ZCWPW2: variants seen among roughly 807,000 people sequenced by gnomAD.
ZCWPW2 encodes zinc finger CW-type PWWP domain protein 2.
ZCWPW2 carries 45 observed loss-of-function variants against 46.6 expected under a neutral mutation model. The observed-to-expected ratio is 0.96, with a 90% CI of 0.76 to 1.24. The LOEUF is 1.24. ZCWPW2 is among the 50% of genes most tolerant of loss of function. ZCWPW2 has a pLI of 0.00. For synonymous variants in ZCWPW2, 152 were observed against 137.1 expected (o/e 1.11, Z -0.76); for missense variants, 429 against 403.9 (o/e 1.06, Z -0.53).
chr3:28,449,840 C>A (rs1187436521), intron 4 of ZCWPW2, among the ~76,000 whole-genome samples: 2 of 152,032 alleles, frequency 1.3e-5, no homozygotes, highest in East Asian at 3.9e-4. Context: ...AATGATTTTT[C>A]TTTTATATTT....
In ZCWPW2 at chr3:28,381,066, A is replaced by AG. The variant is rs1695087157; in HGVS notation, c.-133-9432_-133-9431insG. Among the ~76,000 whole-genome samples the AG allele has an allele frequency of 1.6e-5, 2 of 125,000 alleles. 1 individual carries two copies. The highest frequency in any genetic ancestry group is 3.3e-5 in the Non-Finnish European group (2 of 60,586). The allele number at this position is 125,000 out of a possible 152,430, so 82.0% of individuals were successfully genotyped here. On this transcript the variant is annotated intron_variant, in intron 1 of 9. Coordinates refer to ENST00000383768, the MANE Select transcript of ZCWPW2 (RefSeq NM_001040432.4). ...ATATTTGGTGTATATATATATATAT[A>AG]TATATATATATATACAGAAAAGTAA...
At chr3:28,444,847 C>G (rs1015879946) in intron 4 of ZCWPW2, among the ~76,000 whole-genome samples, 1 of 152,118 alleles carries the variant, frequency 6.6e-6, no homozygotes, top group African/African-American at 2.4e-5. Flanking sequence ...CAGATATGGT[C>G]AAACGTATTA....
chr3:28,385,292 CA>C (rs1428129134), intron 1 of ZCWPW2, among the ~76,000 whole-genome samples: 1 of 152,102 alleles, frequency 6.6e-6, no homozygotes, highest in African/African-American at 2.4e-5. Context: ...CTGAAGCAGA[CA>C]GTGCATAGCA....
At chr3:28,380,069 T>C (rs1694977386) in intron 1 of ZCWPW2, among the ~76,000 whole-genome samples, 1 of 151,964 alleles carries the variant, frequency 6.6e-6, no homozygotes, top group African/African-American at 2.4e-5. Context: ...TGCAAGCTCC[T>C]CCTCCCGGGT....
intron 4 of ZCWPW2, among the ~76,000 whole-genome samples, chr3:28,440,261 C>T (rs1359707085): frequency 6.6e-6 from 1 of 152,110 alleles, no homozygotes; most frequent in African/African-American, 2.4e-5. Context: ...TAGGAGAAGC[C>T]CAAAGTGTCC....
At chr3:28,443,344 C>T (rs960340748) in intron 4 of ZCWPW2, among the ~76,000 whole-genome samples, 1 of 152,240 alleles carries the variant, frequency 6.6e-6, no homozygotes, top group East Asian at 1.9e-4. Flanking sequence ...TTAGTGGGGT[C>T]CTTCCTCAAG....
intron 8 of ZCWPW2, among the ~76,000 whole-genome samples, chr3:28,518,034 G>A (rs1255643148): frequency 1.3e-5 from 2 of 151,176 alleles, no homozygotes; most frequent in Admixed American, 6.6e-5. Flanking sequence ...TACTTGGGAG[G>A]CTGAGGCAGG....
intron 2 of ZCWPW2, among the ~76,000 whole-genome samples, chr3:28,403,531 A>C (rs561638486): frequency 2.0e-5 from 3 of 152,322 alleles, no homozygotes; most frequent in African/African-American, 7.2e-5. Context: ...TCTTCACGGA[A>C]TTAGAAAAAA....
At chr3:28,381,494 T>C (rs1040593615) in intron 1 of ZCWPW2, among the ~76,000 whole-genome samples, 1 of 152,120 alleles carries the variant, frequency 6.6e-6, no homozygotes, top group African/African-American at 2.4e-5. Flanking sequence ...TCAGGGATGA[T>C]GAAGGTGGAA....
chr3:28,488,515 T>G lies in ZCWPW2; in HGVS notation c.611-3612T>G, dbSNP rs576887446. Among the ~76,000 whole-genome samples the G allele has an allele frequency of 1.7e-4, 26 of 152,214 alleles. No homozygotes were observed. In the South Asian group the frequency reaches 4.1e-3, roughly 24 times the overall value. ...AAACAAAAACTGACAATTTTTTGAG[T>G]CCATGAATACACAAGGTTTAAAAAA... is the stretch of plus-strand genomic sequence containing the variant. On this transcript the variant is annotated intron_variant, in intron 5 of 9. Coordinates refer to ENST00000383768, the MANE Select transcript of ZCWPW2 (RefSeq NM_001040432.4).
chr3:28,404,393 C>T (rs564427628), intron 2 of ZCWPW2, among the ~76,000 whole-genome samples: 14 of 151,994 alleles, frequency 9.2e-5, no homozygotes, highest in East Asian at 1.9e-4. Flanking sequence ...GGCATGGATG[C>T]GGTGAACAGG....
intron 6 of ZCWPW2, 40 bp from the exon 7 acceptor site, chr3:28,514,024 C>A (rs769090972): frequency 7.0e-7 from 1 of 1,435,252 alleles, no homozygotes; most frequent in South Asian, 1.3e-5. Flanking sequence ...CTGATTTAGT[C>A]CTATATGAAC....
At chr3:28,382,867 G>A (rs1330855591) in intron 1 of ZCWPW2, among the ~76,000 whole-genome samples, 1 of 152,064 alleles carries the variant, frequency 6.6e-6, no homozygotes, top group Non-Finnish European at 1.5e-5. Context: ...TCCACATTAA[G>A]AAGTAATAGT....
At chr3:28,403,806 T>G (rs1696044290) in intron 2 of ZCWPW2, among the ~76,000 whole-genome samples, 1 of 152,156 alleles carries the variant, frequency 6.6e-6, no homozygotes. Context: ...GGACACTCTT[T>G]TCAACAAATG....
intron 2 of ZCWPW2, among the ~76,000 whole-genome samples, chr3:28,404,989 C>G (rs1440085757): frequency 3.3e-5 from 5 of 152,100 alleles, no homozygotes; most frequent in Non-Finnish European, 2.9e-5. Flanking sequence ...AGAACTTACC[C>G]ATGTAACCAA....
intron 2 of ZCWPW2, among the ~76,000 whole-genome samples, chr3:28,402,561 G>A (rs1415454854): frequency 6.6e-6 from 1 of 152,120 alleles, no homozygotes; most frequent in Non-Finnish European, 1.5e-5. Context: ...TATGAAGCCA[G>A]TATCACCCTA....
intron 2 of ZCWPW2, among the ~76,000 whole-genome samples, chr3:28,394,325 G>T (rs1695610702): frequency 6.6e-6 from 1 of 152,044 alleles, no homozygotes; most frequent in Admixed American, 6.5e-5. Context: ...AACTAATATT[G>T]TCAAAATATA....
chr3:28,441,473 C>T (rs909470228), intron 4 of ZCWPW2, among the ~76,000 whole-genome samples: 2 of 152,192 alleles, frequency 1.3e-5, no homozygotes, highest in Admixed American at 1.3e-4. Flanking sequence ...AACTCTCCTT[C>T]AGGGATGTCC....
intron 4 of ZCWPW2, among the ~76,000 whole-genome samples, chr3:28,477,574 GTATT>G (rs1699276678): frequency 6.6e-6 from 1 of 152,166 alleles, no homozygotes. Flanking sequence ...ATAAATGAAA[GTATT>G]TATGTGTAGT....
Sources: gnomAD v4.1 joint callset for allele counts (sites outside exome capture counted in the v4.1 genomes callset) on GRCh38, gnomAD v4.1.1 for gene constraint, MANE v1.5 for transcripts, NCBI Gene and HGNC (gene_info 2026-07-23, HGNC 2026-07-21) for gene names.